The following ITFG1 variants were observed in gnomAD, a reference collection of about 807,000 sequenced individuals.
ITFG1 encodes the protein integrin alpha FG-GAP repeat containing 1.
A neutral mutation model predicts 81.8 loss-of-function variants in ITFG1; 34 were observed. The ratio of observed to expected loss-of-function variants is 0.42; its 90% confidence interval spans 0.32 to 0.55. The LOEUF (loss-of-function observed/expected upper bound fraction) is 0.55, where lower values mean the gene tolerates loss of function less well. ITFG1 is among the 20% of genes least tolerant of loss of function. ITFG1 has a pLI of 0.17. For synonymous variants in ITFG1, 285 were observed against 270.6 expected (o/e 1.05, Z -0.52); for missense variants, 672 against 755.4 (o/e 0.89, Z 1.29).
chr16:47,312,377 A>G (rs531925174), intron 9 of ITFG1: 2 of 152,188 alleles, frequency 1.3e-5, no homozygotes, highest in Non-Finnish European at 2.9e-5. Context: ...AAGTCAAATT[A>G]TATTAAAGAT....
chr16:47,331,478 C>T (rs181433789), intron 8 of ITFG1, among the ~76,000 whole-genome samples: 1 of 152,126 alleles, frequency 6.6e-6, no homozygotes, highest in Admixed American at 6.6e-5. Context: ...TGAATCTAAA[C>T]TAAAATTAAC....
In ITFG1 at chr16:47,289,534, T is replaced by C. The variant is rs990269692; in HGVS notation, c.1070+21706A>G. Among the ~76,000 whole-genome samples the C allele has an allele frequency of 5.9e-5, 9 of 152,310 alleles. No individual in the cohort carries two copies. In the East Asian group the frequency reaches 1.5e-3, roughly 26 times the overall value. On this transcript the variant is annotated intron_variant, in intron 10 of 17. Transcript: ENST00000320640. ...CAGGATTAAATCTCATTACTTCTAA[T>C]TGGTCTGTTCAGGTATTCTGTTTCT...
intron 10 of ITFG1, 66 bp from the exon 11 acceptor site, chr16:47,260,761 A>C (rs1966201532): frequency 4.7e-6 from 7 of 1,491,156 alleles, no homozygotes; most frequent in Non-Finnish European, 6.5e-6. Flanking sequence ...GCTCTGTAGT[A>C]TTTCCTAGAT....
chr16:47,389,010 G>A (rs942753757), intron 6 of ITFG1, among the ~76,000 whole-genome samples: 3 of 152,090 alleles, frequency 2.0e-5, no homozygotes, highest in Non-Finnish European at 4.4e-5. Context: ...TCTGTAACTC[G>A]CTTCCCGCCT....
rs558488998 is a variant in ITFG1, at chr16:47,258,368, T to C, written c.1330+264A>G. Reference sequence around the variant, plus strand: ...GAAAAATAAGAAAAGACTGAGGAACTGGTCCAGATTGAAGAAGTCTGAAAA... The same window carrying C: ...GAAAAATAAGAAAAGACTGAGGAACCGGTCCAGATTGAAGAAGTCTGAAAA... On this transcript the variant is annotated intron_variant, in intron 12 of 17. Transcript: ENST00000320640. Among the ~76,000 whole-genome samples, 9 of 152,340 alleles carry C rather than the reference T, an allele frequency of 5.9e-5. No individual in the cohort carries two copies. In the East Asian group the frequency reaches 1.7e-3, roughly 29 times the overall value.
chr16:47,214,793 G>A (rs1965605115), intron 14 of ITFG1, among the ~76,000 whole-genome samples: 1 of 151,996 alleles, frequency 6.6e-6, no homozygotes, highest in East Asian at 1.9e-4. Flanking sequence ...TAGGATAATT[G>A]GGCCAGGCCT....
At chr16:47,421,021 C>CT (rs987252771) in intron 6 of ITFG1, among the ~76,000 whole-genome samples, 10 of 152,030 alleles carry the variant, frequency 6.6e-5, no homozygotes, top group African/African-American at 2.4e-4. Flanking sequence ...TTATATGTCT[C>CT]TTTTTTGTTC....
At chr16:47,279,286 A>C (rs900784464) in intron 10 of ITFG1, among the ~76,000 whole-genome samples, 2 of 152,176 alleles carry the variant, frequency 1.3e-5, no homozygotes, top group Non-Finnish European at 2.9e-5. Flanking sequence ...TTAAGCTTGT[A>C]ATCTATTTTG....
At chr16:47,165,769 C>T (rs916720163) in intron 14 of ITFG1, among the ~76,000 whole-genome samples, 2 of 152,110 alleles carry the variant, frequency 1.3e-5, no homozygotes, top group Admixed American at 1.3e-4. Flanking sequence ...CACCTGAGCC[C>T]AGGGAGGTTG....
chr16:47,214,124 A>T (rs1035316830), intron 14 of ITFG1, among the ~76,000 whole-genome samples: 11 of 152,200 alleles, frequency 7.2e-5, no homozygotes, highest in African/African-American at 2.4e-4. Context: ...GTGTTGGAGA[A>T]CAGGTTGATG....
chr16:47,170,712 A>G (rs1964948027), intron 14 of ITFG1, among the ~76,000 whole-genome samples: 1 of 148,572 alleles, frequency 6.7e-6, no homozygotes, highest in Non-Finnish European at 1.5e-5. Context: ...GATTACAGGC[A>G]CATCTTTGAT....
chr16:47,408,161 T>G (rs1054152958), intron 6 of ITFG1, among the ~76,000 whole-genome samples: 7 of 152,256 alleles, frequency 4.6e-5, no homozygotes, highest in African/African-American at 1.7e-4. Flanking sequence ...TATTTGAGTC[T>G]GGTGATCTTG....
chr16:47,262,464 A>C (rs1297200798), intron 10 of ITFG1, among the ~76,000 whole-genome samples: 2 of 152,242 alleles, frequency 1.3e-5, no homozygotes, highest in Admixed American at 6.5e-5. Context: ...CTGTTATTAG[A>C]AGATTGTATT....
At chr16:47,207,357 T>G (rs1596808272) in intron 14 of ITFG1, among the ~76,000 whole-genome samples, 2 of 152,226 alleles carry the variant, frequency 1.3e-5, no homozygotes, top group Non-Finnish European at 2.9e-5. Context: ...GTGCTGGGAT[T>G]ACAGGCGTGA....
chr16:47,216,978 A>T (rs1965632569), intron 14 of ITFG1, among the ~76,000 whole-genome samples: 1 of 152,172 alleles, frequency 6.6e-6, no homozygotes, highest in African/African-American at 2.4e-5. Flanking sequence ...CTGCATAAAA[A>T]TATATGCAAA....
In ITFG1 at chr16:47,297,446, G is replaced by A. The variant is rs180921041; in HGVS notation, c.1070+13794C>T. Among the ~76,000 whole-genome samples the A allele has an allele frequency of 7.2e-5, 11 of 152,052 alleles. No individual in the cohort carries two copies. In the East Asian group the frequency reaches 9.7e-4, roughly 13 times the overall value. On this transcript the variant is annotated intron_variant, in intron 10 of 17. Transcript: ENST00000320640. ...CAAGGTTAATATTTTATACTTTCCC[G>A]CACTTTTATGGTGGTAAGTACTAAC...
intron 5 of ITFG1, among the ~76,000 whole-genome samples, chr16:47,434,226 G>T (rs1969133757): frequency 6.6e-6 from 1 of 151,838 alleles, no homozygotes; most frequent in South Asian, 2.1e-4. Flanking sequence ...TTAAACTAAA[G>T]AGTTTCTGCA....
rs545399196 is a variant in ITFG1 at position 47,263,752 on chromosome 16, A to C, written c.1071-3057T>G. Among the ~76,000 whole-genome samples the C allele has an allele frequency of 5.3e-5, 8 of 152,316 alleles. No individual in the cohort carries two copies. The East Asian group carries it at 9.6e-4, about 18-fold the overall frequency. On this transcript the variant is annotated intron_variant, in intron 10 of 17. Coordinates refer to ENST00000320640, the MANE Select transcript of ITFG1 (RefSeq NM_030790.5). ...GAATGAATGAATGAATGAATAAATA[A>C]ATACATACATACATAAATAAATGAA...
At chr16:47,281,572 C>A (rs998805404) in intron 10 of ITFG1, among the ~76,000 whole-genome samples, 1 of 152,104 alleles carries the variant, frequency 6.6e-6, no homozygotes, top group African/African-American at 2.4e-5. Context: ...TACAATGGTT[C>A]CTATGATCTA....
Sources: allele counts gnomAD v4.1 joint callset (sites outside exome capture counted in the v4.1 genomes callset), GRCh38; gene constraint gnomAD v4.1.1; transcripts MANE v1.5; gene names NCBI Gene and HGNC (gene_info 2026-07-23, HGNC 2026-07-21).